Variants in CNTNAP2 observed in about 807,000 individuals in gnomAD.
CNTNAP2 encodes contactin-associated protein-like 2.
In CNTNAP2, 98 loss-of-function variants were observed where a neutral mutation model predicts 155.2. The observed-to-expected ratio is 0.63, with a 90% CI of 0.54 to 0.75. The LOEUF is 0.75. Ranked by LOEUF, CNTNAP2 falls within the 30% of genes least tolerant of loss-of-function variation. The pLI is 0.00. For synonymous variants in CNTNAP2, 651 were observed against 631.2 expected (o/e 1.03, Z -0.47); for missense variants, 1,727 against 1,688.1 (o/e 1.02, Z -0.40).
intron 1 of CNTNAP2, among the ~76,000 whole-genome samples, chr7:146,519,485 T>C (rs1797587324): frequency 6.6e-6 from 1 of 151,922 alleles, no homozygotes; most frequent in Non-Finnish European, 1.5e-5. Flanking sequence ...AGTAAAACCA[T>C]AAAATCAGCT....
intron 1 of CNTNAP2, among the ~76,000 whole-genome samples, chr7:146,742,041 C>A (rs1801726514): frequency 1.3e-5 from 2 of 149,756 alleles, no homozygotes; most frequent in South Asian, 4.2e-4. Context: ...TGCTTTCATT[C>A]TCTTGCTTCT....
chr7:146,770,107 G>A (rs1208918218), intron 1 of CNTNAP2, among the ~76,000 whole-genome samples: 1 of 151,876 alleles, frequency 6.6e-6, no homozygotes, highest in Admixed American at 6.6e-5. Flanking sequence ...TTTATTTGTG[G>A]CTTTTTGTAT....
chr7:146,737,302 C>T (rs1427864198), intron 1 of CNTNAP2, among the ~76,000 whole-genome samples: 1 of 152,074 alleles, frequency 6.6e-6, no homozygotes, highest in Admixed American at 6.6e-5. Flanking sequence ...TTCACTTCAA[C>T]TCAGTATTTT....
chr7:146,615,141 ATC>A (rs1176782562), intron 1 of CNTNAP2, among the ~76,000 whole-genome samples: 1 of 152,130 alleles, frequency 6.6e-6, no homozygotes, highest in East Asian at 1.9e-4. Flanking sequence ...AGCTTACTTG[ATC>A]TCTTTTAGTC....
intron 11 of CNTNAP2, among the ~76,000 whole-genome samples, chr7:147,546,135 C>T (rs1246011194): frequency 6.6e-6 from 1 of 152,138 alleles, no homozygotes; most frequent in Non-Finnish European, 1.5e-5. Context: ...ATCACATTTG[C>T]TAATGTCTCT....
chr7:146,606,100 A>G (rs189490994), intron 1 of CNTNAP2, among the ~76,000 whole-genome samples: 205 of 152,300 alleles, frequency 1.3e-3, no homozygotes, highest in African/African-American at 4.5e-3. Context: ...TAAATTTGCT[A>G]AAGTCCTAAA....
intron 13 of CNTNAP2, among the ~76,000 whole-genome samples, chr7:147,649,470 G>A (rs1795417524): frequency 6.6e-6 from 1 of 152,056 alleles, no homozygotes; most frequent in Admixed American, 6.6e-5. Context: ...GTTTTCTTAA[G>A]TTTTCAGACG....
intron 1 of CNTNAP2, among the ~76,000 whole-genome samples, chr7:146,763,790 T>G (rs547364014): frequency 6.6e-6 from 1 of 152,332 alleles, no homozygotes; most frequent in African/African-American, 2.4e-5. Context: ...AAATACTGTT[T>G]TATAGACTAC....
chr7:146,644,161 C>T (rs1345491882), intron 1 of CNTNAP2, among the ~76,000 whole-genome samples: 2 of 152,202 alleles, frequency 1.3e-5, no homozygotes, highest in African/African-American at 4.8e-5. Flanking sequence ...ATTTCCTTCT[C>T]CTGCCTAATT....
In CNTNAP2 at chr7:148,268,816, A is replaced by G. The variant is rs1036783883; in HGVS notation, c.3475+1690A>G. Among the ~76,000 whole-genome samples, 5 of 152,192 alleles carry G rather than the reference A, an allele frequency of 3.3e-5. No homozygotes were observed. The East Asian group carries it at 9.6e-4, about 29-fold the overall frequency. On this transcript the variant is annotated intron_variant, in intron 21 of 23. Transcript: ENST00000361727. Reference sequence around the variant, plus strand: ...ACTTTTTAGATGAGAAAACTGAACCATGAAGAGATTAAATAACCGGGCCAC... The same window carrying G: ...ACTTTTTAGATGAGAAAACTGAACCGTGAAGAGATTAAATAACCGGGCCAC...
chr7:146,693,089 T>C (rs1800724368), intron 1 of CNTNAP2, among the ~76,000 whole-genome samples: 1 of 152,094 alleles, frequency 6.6e-6, no homozygotes, highest in South Asian at 2.1e-4. Context: ...TCTCTGAAAT[T>C]CAGGCTTGTT....
intron 9 of CNTNAP2, among the ~76,000 whole-genome samples, chr7:147,347,465 T>TGC (rs1445286647): frequency 4.9e-5 from 3 of 60,676 alleles, no homozygotes; most frequent in East Asian, 3.8e-4. Flanking sequence ...TGCATATATA[T>TGC]ATATATATAT....
chr7:146,499,209 G>A (rs1487901674), intron 1 of CNTNAP2, among the ~76,000 whole-genome samples: 1 of 152,124 alleles, frequency 6.6e-6, no homozygotes, highest in Non-Finnish European at 1.5e-5. Context: ...TTTAGACAGA[G>A]TTTTGCTCTC....
chr7:147,659,057 T>C (rs368461239), intron 13 of CNTNAP2, among the ~76,000 whole-genome samples: 1 of 152,220 alleles, frequency 6.6e-6, no homozygotes. Context: ...CCTACATCTC[T>C]GTGGCAAAAA....
chr7:146,922,591 C>A (rs1480422571), intron 3 of CNTNAP2, among the ~76,000 whole-genome samples: 1 of 151,988 alleles, frequency 6.6e-6, no homozygotes, highest in East Asian at 1.9e-4. Flanking sequence ...TGAAGAGAGG[C>A]AGTATGGAAT....
At position 148,298,187 on chromosome 7, in the gene CNTNAP2, A is replaced by G. The variant is rs141555103; in HGVS notation, c.3475+31061A>G. On this transcript the variant is annotated intron_variant, in intron 21 of 23. Coordinates refer to ENST00000361727, the MANE Select transcript of CNTNAP2 (RefSeq NM_014141.6). The stretch of plus-strand genomic sequence containing the variant: ...AAATTGTGATCTAACTCCAAGTCCA[A>G]CCTGCCTATTTTAGAAGGGTAGTTG... 3.2e-3 allele frequency among the ~76,000 whole-genome samples: 494 copies of G among 152,300 alleles called. 2 individuals are homozygous for G. The highest frequency in any genetic ancestry group is 0.011 in the African/African-American group (439 of 41,568).
intron 1 of CNTNAP2, among the ~76,000 whole-genome samples, chr7:146,563,852 A>G (rs1206751559): frequency 1.3e-5 from 2 of 152,160 alleles, no homozygotes; most frequent in African/African-American, 4.8e-5. Context: ...AGATAGTAAC[A>G]GTCAACCAAT....
chr7:147,481,966 A>G (rs1798429884), intron 10 of CNTNAP2, among the ~76,000 whole-genome samples: 1 of 152,174 alleles, frequency 6.6e-6, no homozygotes, highest in African/African-American at 2.4e-5. Flanking sequence ...AATAATCTAT[A>G]TTTCTCACAG....
At chr7:147,788,457 T>C (rs1797770075) in intron 13 of CNTNAP2, among the ~76,000 whole-genome samples, 3 of 152,172 alleles carry the variant, frequency 2.0e-5, no homozygotes, top group Non-Finnish European at 2.9e-5. Flanking sequence ...CTTAGAGAAA[T>C]CAAGATGCTC....
Sources: allele counts gnomAD v4.1 joint callset (sites outside exome capture counted in the v4.1 genomes callset), GRCh38; gene constraint gnomAD v4.1.1; transcripts MANE v1.5; gene names NCBI Gene and HGNC (gene_info 2026-07-23, HGNC 2026-07-21).